The following FAM168A variants were observed in gnomAD, a reference collection of about 807,000 sequenced individuals.
The protein encoded by FAM168A is protein FAM168A.
In FAM168A, 3 loss-of-function variants were observed where a neutral mutation model predicts 28.5. The ratio of observed to expected loss-of-function variants is 0.11; its 90% CI spans 0.05 to 0.27. FAM168A has a LOEUF of 0.27. Among genes scored for constraint, FAM168A ranks in the 10% least tolerant of loss-of-function variants. The pLI, the probability that FAM168A is intolerant of heterozygous loss-of-function variation, is 1.00. For missense variants in FAM168A, 222 were observed against 311.5 expected, an observed-to-expected ratio of 0.71 and a Z score of 2.16; for synonymous variants, 122 against 124.2, an observed-to-expected ratio of 0.98 and a Z score of 0.12.
intron 2 of FAM168A, 127 bp from the exon 3 acceptor site, chr11:73,430,897 T>C: frequency 1.5e-6 from 1 of 671,428 alleles, no homozygotes. Flanking sequence ...GTTCAGTCTC[T>C]CCATGGGCTA....
At position 73,522,237 on chromosome 11, in the gene FAM168A, G is replaced by A. The variant is rs116712860; in HGVS notation, c.-18-53745C>T. ...AAAAAATGGACATGGCTGCAGAACT[G>A]ACATTTTGGAAAGCAATTTTATGTT... On this transcript the variant is annotated intron_variant, in intron 1 of 7. Coordinates refer to ENST00000356467, the MANE Select transcript of FAM168A (RefSeq NM_015159.3). Among the ~76,000 whole-genome samples the A allele has an allele frequency of 7.2e-3, 1,082 of 149,744 alleles. 16 individuals carry two copies. Among genetic ancestry groups the A allele is most frequent in the African/African-American group, 0.026 (1,044 of 40,838 alleles).
chr11:73,546,501 G>A (rs1336843905), intron 1 of FAM168A, among the ~76,000 whole-genome samples: 2 of 152,230 alleles, frequency 1.3e-5, no homozygotes, highest in African/African-American at 4.8e-5. Flanking sequence ...GGGAGGCTAA[G>A]GCAGACAGAT....
At chr11:73,573,078 C>A (rs1944125914) in intron 1 of FAM168A, among the ~76,000 whole-genome samples, 1 of 152,176 alleles carries the variant, frequency 6.6e-6, no homozygotes, top group African/African-American at 2.4e-5. Flanking sequence ...ATCTGCACCT[C>A]TTTAAATGAA....
chr11:73,506,187 C>T (rs1855112225), intron 1 of FAM168A, among the ~76,000 whole-genome samples: 1 of 152,108 alleles, frequency 6.6e-6, no homozygotes, highest in South Asian at 2.1e-4. Context: ...AATTATACAT[C>T]AGAAACAAAG....
At chr11:73,548,152 G>T (rs1488330782) in intron 1 of FAM168A, among the ~76,000 whole-genome samples, 1 of 152,096 alleles carries the variant, frequency 6.6e-6, no homozygotes, top group Non-Finnish European at 1.5e-5. Flanking sequence ...ATGTTGTAGA[G>T]ATCTGTTATG....
At chr11:73,431,639 T>C (rs958014192) in intron 2 of FAM168A, among the ~76,000 whole-genome samples, 13 of 152,208 alleles carry the variant, frequency 8.5e-5, no homozygotes, top group Non-Finnish European at 1.5e-5. Context: ...TTTGATGCTA[T>C]CAACATCACT....
intron 2 of FAM168A, among the ~76,000 whole-genome samples, chr11:73,463,112 G>A (rs1319349206): frequency 6.6e-6 from 1 of 151,858 alleles, no homozygotes; most frequent in Admixed American, 6.6e-5. Context: ...GGGATTACAG[G>A]TGTGCGCCAC....
intron 1 of FAM168A, among the ~76,000 whole-genome samples, chr11:73,507,311 C>T (rs1231156810): frequency 6.6e-6 from 1 of 152,130 alleles, no homozygotes; most frequent in Non-Finnish European, 1.5e-5. Context: ...CCATCCAAGA[C>T]TCATCCAAAA....
intron 1 of FAM168A, among the ~76,000 whole-genome samples, chr11:73,590,116 A>C (rs1352681063): frequency 6.6e-6 from 1 of 152,032 alleles, no homozygotes; most frequent in Non-Finnish European, 1.5e-5. Context: ...GAATATGCTA[A>C]CACAGCTGAA....
intron 2 of FAM168A, among the ~76,000 whole-genome samples, chr11:73,458,649 C>T (rs1264573584): frequency 2.0e-5 from 3 of 152,120 alleles, no homozygotes; most frequent in Admixed American, 1.3e-4. Flanking sequence ...GTTGCACTGT[C>T]GCCCAGGCTG....
intron 1 of FAM168A, among the ~76,000 whole-genome samples, chr11:73,582,429 A>G (rs1026454074): frequency 9.9e-5 from 15 of 152,032 alleles, no homozygotes; most frequent in African/African-American, 3.6e-4. Flanking sequence ...AGGCTGAGGC[A>G]GGAGATTGGC....
chr11:73,450,215 T>A (rs1229354766), intron 2 of FAM168A, among the ~76,000 whole-genome samples: 2 of 152,214 alleles, frequency 1.3e-5, no homozygotes, highest in African/African-American at 4.8e-5. Context: ...ATTTGACACA[T>A]AACCTGCTTC....
At chr11:73,458,967 T>C (rs1283915847) in intron 2 of FAM168A, among the ~76,000 whole-genome samples, 1 of 152,248 alleles carries the variant, frequency 6.6e-6, no homozygotes, top group African/African-American at 2.4e-5. Context: ...AGATCACAAA[T>C]CGTAACTTTA....
chr11:73,589,321 A>C (rs1165173378), intron 1 of FAM168A, among the ~76,000 whole-genome samples: 1 of 152,184 alleles, frequency 6.6e-6, no homozygotes, highest in Non-Finnish European at 1.5e-5. Flanking sequence ...GAGCATGAAA[A>C]GCTCAGTGAT....
chr11:73,481,466 T>C (rs1481205559), intron 1 of FAM168A, among the ~76,000 whole-genome samples: 3 of 152,208 alleles, frequency 2.0e-5, no homozygotes, highest in Admixed American at 2.0e-4. Context: ...AATTATAATT[T>C]GCTAGAAATG....
chr11:73,594,737 C>A lies in FAM168A; in HGVS notation c.-19+3186G>T, dbSNP rs894578084. 5.9e-5 allele frequency among the ~76,000 whole-genome samples: 9 copies of A among 152,108 alleles called. 1 individual carries two copies. The highest frequency in any genetic ancestry group is 1.9e-4 in the African/African-American group (8 of 41,412). ...AGAGATGGGGTTTTGCCATGTTGGC[C>A]AGGCTGATCTCAAACTCCTGACCTC... is the stretch of plus-strand genomic sequence containing the variant. On this transcript the variant is annotated intron_variant, in intron 1 of 7. Transcript: ENST00000356467.
chr11:73,474,892 A>C (rs1186529644), intron 1 of FAM168A, among the ~76,000 whole-genome samples: 1 of 152,156 alleles, frequency 6.6e-6, no homozygotes, highest in Non-Finnish European at 1.5e-5. Context: ...TTGGCTCCCT[A>C]TCTCTCCAGC....
At chr11:73,553,812 C>CA (rs1367946565) in intron 1 of FAM168A, among the ~76,000 whole-genome samples, 1 of 150,872 alleles carries the variant, frequency 6.6e-6, no homozygotes, top group Admixed American at 6.6e-5. Flanking sequence ...TGAAACCCTA[C>CA]AAAAAATAAA....
intron 1 of FAM168A, among the ~76,000 whole-genome samples, chr11:73,523,827 T>C (rs1376120007): frequency 2.0e-5 from 3 of 151,414 alleles, no homozygotes; most frequent in Admixed American, 6.6e-5. Context: ...ATAAATCTTT[T>C]GAGATACTGC....
Sources: allele counts gnomAD v4.1 joint callset (sites outside exome capture counted in the v4.1 genomes callset), GRCh38; gene constraint gnomAD v4.1.1; transcripts MANE v1.5; gene names NCBI Gene and HGNC (gene_info 2026-07-23, HGNC 2026-07-21).